CPLX1: variants seen among roughly 807,000 people sequenced by gnomAD.
CPLX1 encodes complexin-1.
A neutral mutation model predicts 15.6 loss-of-function variants in CPLX1; 6 were observed. That is an observed-to-expected ratio of 0.39 (90% CI 0.21 to 0.76). The LOEUF is 0.76. Ranked by LOEUF, CPLX1 falls within the 30% of genes least tolerant of loss-of-function variation. CPLX1 has a pLI of 0.43. For synonymous variants in CPLX1, 91 were observed against 75.2 expected (o/e 1.21, Z -1.08); for missense variants, 242 against 188.6 (o/e 1.28, Z -1.66).
At chr4:811,294 C>T (rs749330251) in intron 2 of CPLX1, among the ~76,000 whole-genome samples, 13 of 152,120 alleles carry the variant, frequency 8.5e-5, no homozygotes, top group Non-Finnish European at 1.6e-4. Flanking sequence ...AGGTGCATAC[C>T]ACTGTGCCCA....
chr4:813,504 G>C (rs1335873109), intron 2 of CPLX1, among the ~76,000 whole-genome samples: 2 of 152,066 alleles, frequency 1.3e-5, no homozygotes, highest in Non-Finnish European at 2.9e-5. Flanking sequence ...GATGGTGAAA[G>C]GTCTGTATAA....
intron 2 of CPLX1, among the ~76,000 whole-genome samples, chr4:823,133 A>C (rs10155482): frequency 0.36 from 55,188 of 152,098 alleles, 10,313 homozygotes; most frequent in African/African-American, 0.45. Flanking sequence ...GAATTAGCCA[A>C]CTAATTAATT....
chr4:808,131 T>A (rs1221986241), intron 2 of CPLX1, among the ~76,000 whole-genome samples: 1 of 152,056 alleles, frequency 6.6e-6, no homozygotes, highest in East Asian at 1.9e-4. Context: ...TCGCCAGGCA[T>A]AGTGGCACAC....
intron 2 of CPLX1, among the ~76,000 whole-genome samples, chr4:806,706 A>G (rs1435024352): frequency 1.3e-5 from 2 of 152,238 alleles, no homozygotes; most frequent in African/African-American, 4.8e-5. Flanking sequence ...TTATGCAGCC[A>G]ACAAACCTGT....
At chr4:825,630 G>A (rs964265368) in intron 1 of CPLX1, among the ~76,000 whole-genome samples, 8 of 151,810 alleles carry the variant, frequency 5.3e-5, no homozygotes, top group African/African-American at 1.7e-4. Flanking sequence ...GGAGGAGAGG[G>A]GGAGCCTCGA....
intron 3 of CPLX1, chr4:787,473 A>G (rs1166325595): frequency 6.0e-6 from 5 of 837,062 alleles, no homozygotes; most frequent in Non-Finnish European, 7.2e-6. Flanking sequence ...TCATAATGGT[A>G]AGGATGGGGA....
Position 809,378 on chromosome 4 carries a change from C to G in CPLX1, c.31+15114G>C, listed in dbSNP as rs114591570. ...GGGCCCTATGGCTGCCAAGCCTCTGCCCTGTCTCACGCCCTTACTGAAACG... is the reference window on the plus strand; with the variant it reads ...GGGCCCTATGGCTGCCAAGCCTCTGGCCTGTCTCACGCCCTTACTGAAACG... On this transcript the variant is annotated intron_variant, in intron 2 of 3. Transcript: ENST00000304062. Among the ~76,000 whole-genome samples the G allele has an allele frequency of 9.0e-3, 1,364 of 152,290 alleles. 17 individuals carry two copies. The highest frequency in any genetic ancestry group is 0.031 in the African/African-American group (1,302 of 41,558).
intron 3 of CPLX1, chr4:787,595 G>A (rs745818772): frequency 1.9e-5 from 16 of 827,936 alleles, no homozygotes; most frequent in East Asian, 1.2e-4. Context: ...AGGAGGTCGC[G>A]AGTGGTCAAG....
In CPLX1 at chr4:810,081, G is replaced by A. The variant is rs539626739; in HGVS notation, c.31+14411C>T. Among the ~76,000 whole-genome samples the A allele has an allele frequency of 3.5e-4, 47 of 135,762 alleles. No homozygotes were observed. In the South Asian group the frequency reaches 5.7e-3, roughly 16 times the overall value. The allele number at this position is 135,762 out of a possible 152,430, so 89.1% of individuals were successfully genotyped here. A position where few individuals can be genotyped will look rare whatever the true frequency, so the allele number is the denominator to read the frequency against. On this transcript the variant is annotated intron_variant, in intron 2 of 3. Coordinates refer to ENST00000304062, the MANE Select transcript of CPLX1 (RefSeq NM_006651.4). Reference sequence around the variant, plus strand: ...TTTTTTTTTTTTGAGATGGAGTCTCGCTTCGTTGCCCAGGCTGGAGTGCAG... The same window carrying A: ...TTTTTTTTTTTTGAGATGGAGTCTCACTTCGTTGCCCAGGCTGGAGTGCAG...
intron 2 of CPLX1, among the ~76,000 whole-genome samples, chr4:823,087 G>A (rs183813044): frequency 3.9e-5 from 6 of 152,332 alleles, no homozygotes; most frequent in Admixed American, 1.3e-4. Flanking sequence ...AGCCAAATAA[G>A]ATATTTCAGT....
At chr4:793,094 G>A (rs972665319) in intron 2 of CPLX1, among the ~76,000 whole-genome samples, 11 of 152,210 alleles carry the variant, frequency 7.2e-5, no homozygotes, top group East Asian at 1.9e-4. Flanking sequence ...TTGTGGTTGC[G>A]CGTGCAGTTG....
chr4:823,972 G>A (rs546884451), intron 2 of CPLX1, among the ~76,000 whole-genome samples: 1 of 152,376 alleles, frequency 6.6e-6, no homozygotes, highest in South Asian at 2.1e-4. Flanking sequence ...CCTGGTCCCT[G>A]AGGATGGCGC....
At chr4:820,235 C>T (rs965844415) in intron 2 of CPLX1, among the ~76,000 whole-genome samples, 1 of 151,642 alleles carries the variant, frequency 6.6e-6, no homozygotes, top group Non-Finnish European at 1.5e-5. Context: ...ACCGTCCTCC[C>T]GGACCCAGCT....
intron 2 of CPLX1, among the ~76,000 whole-genome samples, chr4:802,131 A>G (rs1746471407): frequency 6.6e-6 from 1 of 152,242 alleles, no homozygotes; most frequent in Admixed American, 6.5e-5. Flanking sequence ...CATTTGTAAC[A>G]GCCAAAACCA....
intron 2 of CPLX1, among the ~76,000 whole-genome samples, chr4:800,570 G>A (rs1746431812): frequency 6.9e-6 from 1 of 145,650 alleles, no homozygotes; most frequent in Non-Finnish European, 1.5e-5. Context: ...ATATATGTGT[G>A]TGTGTGTGTA....
chr4:805,013 C>G (rs1336678929), intron 2 of CPLX1: 1 of 796,314 alleles, frequency 1.3e-6, no homozygotes. Flanking sequence ...AACGTGCCCA[C>G]GCACGCTCGC....
intron 1 of CPLX1, among the ~76,000 whole-genome samples, chr4:825,467 C>T (rs190561429): frequency 1.8e-4 from 28 of 151,904 alleles, no homozygotes; most frequent in Non-Finnish European, 4.0e-4. Context: ...CCAAACTTCT[C>T]CCCTGGCTCC....
intron 2 of CPLX1, among the ~76,000 whole-genome samples, chr4:798,363 T>C (rs1206231224): frequency 1.3e-5 from 2 of 151,964 alleles, no homozygotes; most frequent in African/African-American, 4.8e-5. Context: ...TGTCAATCGA[T>C]TTTTGACAGA....
At chr4:818,823 C>T (rs1420672211) in intron 2 of CPLX1, among the ~76,000 whole-genome samples, 4 of 152,232 alleles carry the variant, frequency 2.6e-5, no homozygotes, top group Non-Finnish European at 4.4e-5. Context: ...GCGCTCGGTC[C>T]GCAGGCAAGG....
Sources: allele counts gnomAD v4.1 joint callset (sites outside exome capture counted in the v4.1 genomes callset), GRCh38; gene constraint gnomAD v4.1.1; transcripts MANE v1.5; gene names NCBI Gene and HGNC (gene_info 2026-07-23, HGNC 2026-07-21).